ZNF701: variants seen among roughly 807,000 people sequenced by gnomAD.
ZNF701 encodes the protein zinc finger protein 701.
ZNF701 carries 6 observed loss-of-function variants against 7.1 expected under a neutral mutation model. The ratio of observed to expected loss-of-function variants is 0.84; its 90% CI spans 0.46 to 1.66. The LOEUF (loss-of-function observed/expected upper bound fraction) is 1.66. ZNF701 is among the 40% of genes most tolerant of loss of function. The probability of loss-of-function intolerance (pLI) is 0.01; values close to 1 mark genes in which losing one functional copy is unlikely to be tolerated. For missense variants in ZNF701, 541 were observed against 559.2 expected (o/e 0.97, Z 0.33); for synonymous variants, 166 against 188.2 (o/e 0.88, Z 0.97).
chr19:52,588,671 A>G, downstream of ZNF701: 1 of 313,336 alleles, frequency 3.2e-6, no homozygotes, highest in South Asian at 3.4e-5. Context: ...AATACCAGGT[A>G]TTGTGGTAGC....
chr19:52,591,322 C>T (rs1019712605), downstream of ZNF701, among the ~76,000 whole-genome samples: 16 of 152,000 alleles, frequency 1.1e-4, no homozygotes, highest in East Asian at 5.8e-4. Context: ...GGATTACAGG[C>T]GCTTTCCCCC....
rs190703012 is a variant in ZNF701 at position 52,575,177 on chromosome 19, G to A, written c.16-718G>A. 3.5e-4 allele frequency among the ~76,000 whole-genome samples: 54 copies of A among 152,180 alleles called. No homozygotes were observed. The East Asian group carries it at 0.01, about 28-fold the overall frequency. On this transcript the variant is annotated intron_variant, in intron 2 of 3. Coordinates refer to ENST00000391785, the MANE Select transcript of ZNF701 (RefSeq NM_018260.3). ...GTAGAGACGGGGTTTCACCGTGTTA[G>A]CCAGGATGGTCTCGATCTCCTGACC...
intron 3 of ZNF701, 24 bp from the exon 4 acceptor site, chr19:52,582,178 C>A: frequency 3.9e-6 from 6 of 1,533,130 alleles, no homozygotes; most frequent in Non-Finnish European, 5.3e-6. Flanking sequence ...TAATTTGAAA[C>A]CTATTTGTGT....
chr19:52,571,355 T>C (rs118143913), intron 1 of ZNF701, among the ~76,000 whole-genome samples: 5,111 of 151,140 alleles, frequency 0.034, 124 homozygotes, highest in Non-Finnish European at 0.051. Flanking sequence ...TCTGGGGTGC[T>C]AGAGAGTGGG....
chr19:52,574,288 C>T, intron 2 of ZNF701, 126 bp downstream of exon 2: 2 of 1,447,084 alleles, frequency 1.4e-6, no homozygotes, highest in Non-Finnish European at 1.9e-6. Flanking sequence ...CAACTCATGC[C>T]TTCCCTCAGT....
chr19:52,575,852 T>A, intron 2 of ZNF701, 43 bp from the exon 3 acceptor site: 9 of 1,248,362 alleles, frequency 7.2e-6, no homozygotes, highest in Middle Eastern at 2.7e-4. Flanking sequence ...AAAGATAAGA[T>A]CTCCTCCCAT....
At chr19:52,595,483 G>A in the ZNF701 span, 1 of 360,578 alleles carries the variant, frequency 2.8e-6, no homozygotes, top group Non-Finnish European at 5.0e-6. Context: ...TGTTAGCGAG[G>A]ATGGTCTCGA....
the ZNF701 span, chr19:52,595,930 C>A: frequency 9.9e-6 from 16 of 1,612,732 alleles, no homozygotes; most frequent in Non-Finnish European, 1.4e-5. Context: ...CTGAACTCCA[C>A]ATGTTTCAGA....
chr19:52,597,323 T>A, the ZNF701 span: 1 of 542,896 alleles, frequency 1.8e-6, no homozygotes, highest in Admixed American at 1.9e-5. Flanking sequence ...AGAGAATCCA[T>A]ACTGGACAGA....
downstream of ZNF701, among the ~76,000 whole-genome samples, chr19:52,590,281 A>G (rs1267976142): frequency 6.8e-6 from 1 of 147,414 alleles, no homozygotes; most frequent in Non-Finnish European, 1.5e-5. Context: ...TTGTATTTTC[A>G]GTAGAGACAG....
chr19:52,592,606 T>C, the ZNF701 span, among the ~76,000 whole-genome samples: 1 of 152,324 alleles, frequency 6.6e-6, no homozygotes, highest in Admixed American at 6.5e-5. Context: ...TTGTTTCATT[T>C]TGTTTTTATG....
At chr19:52,571,422 A>G (rs1004133280) in intron 1 of ZNF701, among the ~76,000 whole-genome samples, 1 of 152,182 alleles carries the variant, frequency 6.6e-6, no homozygotes, top group Non-Finnish European at 1.5e-5. Context: ...AGAGATGCAG[A>G]GATGGGATAA....
At chr19:52,588,699 G>A (rs142568480), downstream of ZNF701, 367 of 260,032 alleles carry the variant, frequency 1.4e-3, 1 homozygote, top group African/African-American at 7.5e-3. Context: ...CTGTGATTCT[G>A]AAGCGTCCTA....
chr19:52,599,202 T>TC, the ZNF701 span, among the ~76,000 whole-genome samples: 1 of 151,946 alleles, frequency 6.6e-6, no homozygotes, highest in African/African-American at 2.4e-5. Flanking sequence ...TAACTTTGTT[T>TC]TTTTTTTTTA....
intron 2 of ZNF701, 192 bp from the exon 3 acceptor site, chr19:52,575,703 G>C (rs1202529319): frequency 2.3e-6 from 1 of 428,314 alleles, no homozygotes; most frequent in South Asian, 2.1e-5. Context: ...ATACTGAGAG[G>C]GTATCCTGAG....
chr19:52,590,397 C>T (rs2060032586), downstream of ZNF701, among the ~76,000 whole-genome samples: 1 of 152,132 alleles, frequency 6.6e-6, no homozygotes, highest in African/African-American at 2.4e-5. Context: ...GTCCCCTCTT[C>T]ACTAATTTTT....
intron 1 of ZNF701, chr19:52,572,652 G>A (rs2059908582): frequency 2.9e-6 from 1 of 346,762 alleles, no homozygotes; most frequent in African/African-American, 2.2e-5. Flanking sequence ...TTCTGAGGAT[G>A]TCACAGCTAA....
the ZNF701 span, chr19:52,596,358 A>G: frequency 1.0e-5 from 4 of 395,610 alleles, no homozygotes; most frequent in East Asian, 2.7e-4. Context: ...CATACTGTAC[A>G]GAAACATTAC....
In ZNF701 at chr19:52,573,284, G is replaced by T. The variant is rs1291601172; in HGVS notation, c.-71-793G>T. 2.0e-5 allele frequency: 3 copies of T among 153,152 alleles called. No homozygotes were observed. In the East Asian group the frequency reaches 5.8e-4, roughly 29 times the overall value. The allele number at this position is 153,152 out of a possible 1,614,324, so 9.5% of individuals were successfully genotyped here. Reference sequence around the variant, plus strand: ...TTTTTGAGTCTTACTCTGTTGCCCTGGCTGGAGTCCAGTGGTGCGATCTTG... The same window carrying T: ...TTTTTGAGTCTTACTCTGTTGCCCTTGCTGGAGTCCAGTGGTGCGATCTTG... On this transcript the variant is annotated intron_variant, in intron 1 of 3. Transcript: ENST00000391785.
Sources: gnomAD v4.1 joint callset for allele counts (sites outside exome capture counted in the v4.1 genomes callset) on GRCh38, gnomAD v4.1.1 for gene constraint, MANE v1.5 for transcripts, NCBI Gene and HGNC (gene_info 2026-07-23, HGNC 2026-07-21) for gene names.